Variants in DAPK1 observed in about 807,000 individuals in gnomAD.
The protein encoded by DAPK1 is death associated protein kinase 1.
DAPK1 carries 56 observed loss-of-function variants against 144.9 expected under a neutral mutation model. That is an observed-to-expected ratio of 0.39 (90% confidence interval 0.31 to 0.48). DAPK1 has a LOEUF of 0.48. DAPK1 is among the 20% of genes least tolerant of loss of function. DAPK1 has a pLI of 0.95. For synonymous variants in DAPK1, 690 were observed against 749.0 expected (o/e 0.92, Z 1.29); for missense variants, 1,454 against 1,875.4 (o/e 0.78, Z 4.15).
At chr9:87,508,346 A>AT (rs200413597) in intron 2 of DAPK1, among the ~76,000 whole-genome samples, 33,225 of 140,512 alleles carry the variant, frequency 0.24, 4,045 homozygotes, top group East Asian at 0.43. Context: ...GATTGTCAGG[A>AT]TTTTTTTTTT....
intron 2 of DAPK1, among the ~76,000 whole-genome samples, chr9:87,579,562 G>T (rs1218130481): frequency 6.6e-6 from 1 of 152,086 alleles, no homozygotes; most frequent in Non-Finnish European, 1.5e-5. Context: ...CTCTACGTTG[G>T]GAATAATAGC....
intron 2 of DAPK1, among the ~76,000 whole-genome samples, chr9:87,554,876 G>A (rs1826645934): frequency 1.3e-5 from 2 of 152,200 alleles, no homozygotes; most frequent in African/African-American, 4.8e-5. Context: ...TCTCCTGGAG[G>A]TCATTAAAGG....
intron 3 of DAPK1, among the ~76,000 whole-genome samples, chr9:87,609,004 A>G (rs1828828472): frequency 6.6e-6 from 1 of 152,200 alleles, no homozygotes; most frequent in Non-Finnish European, 1.5e-5. Flanking sequence ...TAGCATTTGA[A>G]TCAGTAGACT....
intron 3 of DAPK1, among the ~76,000 whole-genome samples, chr9:87,636,837 T>G (rs944446772): frequency 1.4e-4 from 21 of 152,364 alleles, no homozygotes; most frequent in Non-Finnish European, 2.8e-4. Context: ...ATAAAAACTC[T>G]TATTAAAACT....
intron 2 of DAPK1, among the ~76,000 whole-genome samples, chr9:87,575,528 C>T (rs1347777965): frequency 1.3e-5 from 2 of 152,156 alleles, no homozygotes; most frequent in Non-Finnish European, 2.9e-5. Flanking sequence ...TTCGAAAAAA[C>T]AAAGCCCTGA....
chr9:87,647,169 G>T, intron 13 of DAPK1, 136 bp from the exon 14 acceptor site: 1 of 729,460 alleles, frequency 1.4e-6, no homozygotes, highest in South Asian at 1.6e-5. Context: ...TAGAATGAGG[G>T]TTTTATTCCT....
At chr9:87,560,553 TTAGATACCTCACATGAG>T (rs1826874201) in intron 2 of DAPK1, among the ~76,000 whole-genome samples, 1 of 152,174 alleles carries the variant, frequency 6.6e-6, no homozygotes, top group South Asian at 2.1e-4. Context: ...TTGGACTACT[TTAGATACCTCACATGAG>T]TAGAATCACA....
intron 21 of DAPK1, among the ~76,000 whole-genome samples, chr9:87,688,985 G>T (rs2117941267): frequency 6.6e-6 from 1 of 152,130 alleles, no homozygotes; most frequent in East Asian, 1.9e-4. Flanking sequence ...TTGTTTTTGA[G>T]GACTTAGTTA....
intron 10 of DAPK1, 77 bp downstream of exon 10, chr9:87,642,135 T>A (rs1398073187): frequency 9.1e-7 from 1 of 1,103,314 alleles, no homozygotes; most frequent in African/African-American, 1.6e-5. Flanking sequence ...GTGCATCTCC[T>A]CTGATACTGG....
At chr9:87,678,265 A>C (rs1824474827) in intron 19 of DAPK1, among the ~76,000 whole-genome samples, 1 of 152,232 alleles carries the variant, frequency 6.6e-6, no homozygotes. Flanking sequence ...ATAGTTTCAA[A>C]AGATCAGTAG....
intron 18 of DAPK1, among the ~76,000 whole-genome samples, chr9:87,665,589 G>A (rs985573231): frequency 3.9e-5 from 6 of 152,138 alleles, no homozygotes; most frequent in African/African-American, 1.2e-4. Context: ...CATATTACAC[G>A]TGTCACTAGA....
intron 20 of DAPK1, among the ~76,000 whole-genome samples, chr9:87,682,023 A>G (rs917127843): frequency 5.1e-4 from 78 of 152,340 alleles, no homozygotes; most frequent in African/African-American, 1.9e-3. Context: ...CACAGATCCA[A>G]TAGCAGCCCA....
intron 18 of DAPK1, chr9:87,668,154 A>AGCT (rs1475692459): frequency 1.9e-5 from 3 of 156,386 alleles, no homozygotes; most frequent in African/African-American, 7.2e-5. Context: ...AATTACCAGG[A>AGCT]GCTGGTATCA....
intron 2 of DAPK1, among the ~76,000 whole-genome samples, chr9:87,582,704 G>A (rs1234026211): frequency 6.6e-6 from 1 of 151,958 alleles, no homozygotes; most frequent in Non-Finnish European, 1.5e-5. Flanking sequence ...ACAGGAGTGT[G>A]CCACCACTCC....
intron 22 of DAPK1, among the ~76,000 whole-genome samples, chr9:87,697,524 A>C (rs529424171): frequency 6.6e-6 from 1 of 152,196 alleles, no homozygotes; most frequent in African/African-American, 2.4e-5. Context: ...CTTTTTTTCT[A>C]CACTTGAGAG....
chr9:87,683,745 C>T (rs1357714004), intron 20 of DAPK1, among the ~76,000 whole-genome samples: 2 of 152,192 alleles, frequency 1.3e-5, no homozygotes, highest in African/African-American at 2.4e-5. Context: ...CTGCACGCCC[C>T]ACCATGGGGG....
At chr9:87,515,309 A>G (rs1397797965) in intron 2 of DAPK1, among the ~76,000 whole-genome samples, 2 of 152,258 alleles carry the variant, frequency 1.3e-5, no homozygotes, top group Non-Finnish European at 2.9e-5. Context: ...TAATAAAAAC[A>G]GGCAATGGTC....
At chr9:87,574,191 T>G (rs1209896287) in intron 2 of DAPK1, among the ~76,000 whole-genome samples, 4 of 152,244 alleles carry the variant, frequency 2.6e-5, no homozygotes, top group Non-Finnish European at 5.9e-5. Flanking sequence ...TCTGCTTACA[T>G]TCTATTGGTC....
chr9:87,607,058 C>T (rs1338809791), intron 3 of DAPK1, among the ~76,000 whole-genome samples: 1 of 150,814 alleles, frequency 6.6e-6, no homozygotes, highest in East Asian at 1.9e-4. Context: ...CCTGTACCCT[C>T]CCACCCTCGT....
Sources: gnomAD v4.1 joint callset for allele counts (sites outside exome capture counted in the v4.1 genomes callset) on GRCh38, gnomAD v4.1.1 for gene constraint, MANE v1.5 for transcripts, NCBI Gene and HGNC (gene_info 2026-07-23, HGNC 2026-07-21) for gene names.